MAST4: variants seen among roughly 807,000 people sequenced by gnomAD.
MAST4 encodes microtubule associated serine/threonine kinase family member 4.
A neutral mutation model predicts 162.7 loss-of-function variants in MAST4; 89 were observed. The ratio of observed to expected loss-of-function variants is 0.55; its 90% CI spans 0.46 to 0.65. The LOEUF (loss-of-function observed/expected upper bound fraction) is 0.65, where lower values mean the gene tolerates loss of function less well. Ranked by LOEUF, MAST4 falls within the 30% of genes least tolerant of loss-of-function variation. The probability of loss-of-function intolerance (pLI) is 0.00; values close to 1 mark genes in which losing one functional copy is unlikely to be tolerated. For missense variants in MAST4, 3,153 were observed against 3,374.0 expected (o/e 0.93, Z 1.62); for synonymous variants, 1,479 against 1,361.1 (o/e 1.09, Z -1.91).
intron 4 of MAST4, among the ~76,000 whole-genome samples, chr5:66,900,426 C>G (rs749147551): frequency 6.6e-6 from 1 of 151,982 alleles, no homozygotes; most frequent in Non-Finnish European, 1.5e-5. Flanking sequence ...AGATCTAGAT[C>G]TTATTGAACT....
At chr5:67,008,077 A>T (rs1752250123) in intron 4 of MAST4, among the ~76,000 whole-genome samples, 2 of 152,188 alleles carry the variant, frequency 1.3e-5, no homozygotes, top group African/African-American at 4.8e-5. Flanking sequence ...TATAGCTTAC[A>T]TGTTCCATTG....
At chr5:66,622,674 A>G (rs963359049) in intron 1 of MAST4, among the ~76,000 whole-genome samples, 1 of 152,156 alleles carries the variant, frequency 6.6e-6, no homozygotes, top group Non-Finnish European at 1.5e-5. Context: ...TTGAACATAA[A>G]CTTGACAGGG....
At chr5:66,672,735 C>A (rs1747685767) in intron 1 of MAST4, among the ~76,000 whole-genome samples, 1 of 152,172 alleles carries the variant, frequency 6.6e-6, no homozygotes. Flanking sequence ...AAAGAGTGCT[C>A]CAGTGAACAT....
At chr5:66,889,435 T>C (rs1214112883) in intron 3 of MAST4, among the ~76,000 whole-genome samples, 2 of 152,230 alleles carry the variant, frequency 1.3e-5, no homozygotes, top group African/African-American at 4.8e-5. Context: ...TGCACTATCC[T>C]AAAGGCAATT....
chr5:66,749,733 TACTA>T (rs1753017700), intron 1 of MAST4, among the ~76,000 whole-genome samples: 1 of 152,200 alleles, frequency 6.6e-6, no homozygotes, highest in Non-Finnish European at 1.5e-5. Flanking sequence ...TATTTATTGT[TACTA>T]ACATCTCATG....
At chr5:66,783,183 T>C (rs1010037597) in intron 2 of MAST4, among the ~76,000 whole-genome samples, 5 of 152,348 alleles carry the variant, frequency 3.3e-5, no homozygotes, top group Middle Eastern at 3.4e-3. Flanking sequence ...TCATTGTATA[T>C]GTATGTAAGT....
intron 4 of MAST4, among the ~76,000 whole-genome samples, chr5:66,937,689 G>A (rs1699277638): frequency 6.6e-6 from 1 of 151,634 alleles, no homozygotes; most frequent in Non-Finnish European, 1.5e-5. Context: ...TTTTTTCTAG[G>A]TAAGTTAGAA....
At chr5:67,096,044 G>A (rs1285598773) in intron 7 of MAST4, among the ~76,000 whole-genome samples, 1 of 151,772 alleles carries the variant, frequency 6.6e-6, no homozygotes, top group African/African-American at 2.4e-5. Flanking sequence ...GATAGACTGG[G>A]TCTTTCTTCC....
intron 1 of MAST4, among the ~76,000 whole-genome samples, chr5:66,607,365 A>G (rs1322523807): frequency 6.6e-6 from 1 of 152,216 alleles, no homozygotes; most frequent in Admixed American, 6.5e-5. Flanking sequence ...AGTTAATGGG[A>G]TAAGTGAGTT....
At chr5:67,015,174 A>G (rs1437082336) in intron 4 of MAST4, among the ~76,000 whole-genome samples, 2 of 152,214 alleles carry the variant, frequency 1.3e-5, no homozygotes, top group Non-Finnish European at 2.9e-5. Flanking sequence ...AGCAGAAGTT[A>G]CTTCTAAACA....
At chr5:66,727,328 G>A (rs565494650) in intron 1 of MAST4, among the ~76,000 whole-genome samples, 71 of 152,166 alleles carry the variant, frequency 4.7e-4, no homozygotes, top group Middle Eastern at 3.4e-3. Context: ...TCTGCAAAAT[G>A]CTATTCTATT....
rs1191357036 is a variant in MAST4, at chr5:67,164,016, G to A, written c.4837G>A (p.Val1613Met). Residue 1613 changes from valine (V) to methionine (M), a missense_variant, in exon 29 of 29, where the codon GTG becomes ATG. By Grantham distance (21) the Val-to-Met change is conservative. This residue lies in a region of MAST4 where 1,644 missense variants were observed against 1,495.0 expected (regional missense o/e 1.10). Coordinates refer to ENST00000403625, the MANE Select transcript of MAST4 (RefSeq NM_001164664.2). This position sits in a 1 kb window ranked among gnomAD's most constrained non-coding sequence, Gnocchi z 5.3. ...GGATGCTCTTCACAAGCAGGCCAGCGTGCGCGCCAGCGAGGGTGCGATGTC... is the reference window on the plus strand; with the variant it reads ...GGATGCTCTTCACAAGCAGGCCAGCATGCGCGCCAGCGAGGGTGCGATGTC... ...LKDALHKQAS[V>M]RASEGAMSDG... The A allele has an allele frequency of 1.9e-6, 3 of 1,592,000 alleles. No homozygotes were observed. The highest frequency in any genetic ancestry group is 1.3e-5 in the African/African-American group (1 of 74,280).
At chr5:66,598,596 A>G (rs1167531512) in intron 1 of MAST4, among the ~76,000 whole-genome samples, 1 of 152,148 alleles carries the variant, frequency 6.6e-6, no homozygotes, top group Non-Finnish European at 1.5e-5. Flanking sequence ...GGTGCGGGGC[A>G]TGTGCCACGT....
chr5:67,052,166 AT>A (rs1758263972), intron 4 of MAST4, among the ~76,000 whole-genome samples: 1 of 152,140 alleles, frequency 6.6e-6, no homozygotes, highest in Non-Finnish European at 1.5e-5. Context: ...TAACTTTCTC[AT>A]GTATTCATAG....
chr5:66,816,491 T>C (rs1756731563), intron 3 of MAST4, among the ~76,000 whole-genome samples: 1 of 152,168 alleles, frequency 6.6e-6, no homozygotes, highest in Admixed American at 6.5e-5. Flanking sequence ...AGCTGTTTTA[T>C]GTAAGAGTGT....
chr5:67,063,609 A>G (rs1759889913), intron 5 of MAST4, among the ~76,000 whole-genome samples: 1 of 150,426 alleles, frequency 6.6e-6, no homozygotes, highest in African/African-American at 2.5e-5. Flanking sequence ...CACCCATGTT[A>G]ACAAAAGTGG....
At chr5:66,802,209 TTTCTA>T (rs1339599110) in intron 3 of MAST4, among the ~76,000 whole-genome samples, 2 of 152,246 alleles carry the variant, frequency 1.3e-5, no homozygotes, top group Admixed American at 6.5e-5. Flanking sequence ...TTTAATTTGA[TTTCTA>T]TTCTTTCAAA....
At chr5:66,951,995 C>T (rs1744767520) in intron 4 of MAST4, among the ~76,000 whole-genome samples, 1 of 152,126 alleles carries the variant, frequency 6.6e-6, no homozygotes, top group Non-Finnish European at 1.5e-5. Context: ...TCGTCTCTCT[C>T]CATGTTCCGC....
intron 5 of MAST4, among the ~76,000 whole-genome samples, chr5:67,059,999 C>T (rs945786123): frequency 1.3e-5 from 2 of 152,106 alleles, no homozygotes; most frequent in Non-Finnish European, 2.9e-5. Context: ...CCTCTGCCTC[C>T]CACCCCACAA....
Sources: allele counts gnomAD v4.1 joint callset (sites outside exome capture counted in the v4.1 genomes callset), GRCh38; gene constraint gnomAD v4.1.1; regional missense constraint gnomAD v4.1.1; non-coding constraint Gnocchi (gnomAD v3.1); transcripts MANE v1.5; gene names NCBI Gene and HGNC (gene_info 2026-07-23, HGNC 2026-07-21).